NARS2: variants seen among roughly 807,000 people sequenced by gnomAD.
The protein encoded by NARS2 is asparaginyl-tRNA synthetase 2, mitochondrial.
NARS2 carries 60 observed loss-of-function variants against 62.9 expected under a neutral mutation model. The ratio of observed to expected loss-of-function variants is 0.95; its 90% confidence interval spans 0.77 to 1.18. NARS2 has a LOEUF of 1.18. Ranked by LOEUF, NARS2 falls within the 50% of genes most tolerant of loss-of-function variation. The probability of loss-of-function intolerance (pLI) is 0.00; values close to 1 mark genes in which losing one functional copy is unlikely to be tolerated. For synonymous variants in NARS2, 196 were observed against 200.0 expected, an observed-to-expected ratio of 0.98 and a Z score of 0.17; for missense variants, 619 against 576.4, an observed-to-expected ratio of 1.07 and a Z score of -0.76.
At chr11:78,566,353 T>C (rs1050816969) in intron 3 of NARS2, 81 bp from the exon 4 acceptor site, 7 of 1,206,872 alleles carry the variant, frequency 5.8e-6, no homozygotes, top group Non-Finnish European at 7.8e-6. Context: ...ATTTCTTAAA[T>C]AGCGCTTTGG....
At chr11:78,563,822 T>A (rs1856634069) in intron 4 of NARS2, among the ~76,000 whole-genome samples, 1 of 63,590 alleles carries the variant, frequency 1.6e-5, no homozygotes, top group Admixed American at 2.3e-4. Flanking sequence ...CAGAGTGAAC[T>A]CTGTATCAAA....
chr11:78,569,766 C>T (rs115782647), intron 2 of NARS2, among the ~76,000 whole-genome samples: 1,642 of 152,212 alleles, frequency 0.011, 32 homozygotes, highest in African/African-American at 0.039. Flanking sequence ...TAAGTATATC[C>T]TAAGGTTTCC....
At chr11:78,535,418 A>C (rs1453708591) in intron 5 of NARS2, among the ~76,000 whole-genome samples, 2 of 152,226 alleles carry the variant, frequency 1.3e-5, no homozygotes, top group Non-Finnish European at 2.9e-5. Context: ...ATTGAGATAA[A>C]ATCTCAAAAT....
intron 11 of NARS2, among the ~76,000 whole-genome samples, chr11:78,465,243 C>G (rs116198041): frequency 6.6e-6 from 1 of 152,242 alleles, no homozygotes; most frequent in Non-Finnish European, 1.5e-5. Flanking sequence ...CGCACTGGCC[C>G]GCAAGCACCG....
intron 7 of NARS2, 146 bp from the exon 8 acceptor site, chr11:78,478,829 G>A: frequency 2.1e-6 from 1 of 465,340 alleles, no homozygotes; most frequent in Non-Finnish European, 3.7e-6. Flanking sequence ...TGGAAAATTG[G>A]TTCAGTTTTC....
chr11:78,538,021 G>A (rs1484177138), intron 5 of NARS2, among the ~76,000 whole-genome samples: 2 of 152,152 alleles, frequency 1.3e-5, no homozygotes, highest in African/African-American at 4.8e-5. Flanking sequence ...GCACTGTGTT[G>A]AGTAGCATGA....
chr11:78,507,711 G>C (rs553760658), intron 6 of NARS2, among the ~76,000 whole-genome samples: 1 of 151,954 alleles, frequency 6.6e-6, no homozygotes, highest in African/African-American at 2.4e-5. Flanking sequence ...AATAGAGACA[G>C]GGTTTCACCA....
At chr11:78,452,703 C>G (rs997589522) in intron 11 of NARS2, among the ~76,000 whole-genome samples, 3 of 152,060 alleles carry the variant, frequency 2.0e-5, no homozygotes, top group African/African-American at 7.2e-5. Flanking sequence ...GTCACCATGC[C>G]CAGCTCTATG....
At chr11:78,530,715 C>G (rs1861446677) in intron 5 of NARS2, among the ~76,000 whole-genome samples, 1 of 152,180 alleles carries the variant, frequency 6.6e-6, no homozygotes, top group Non-Finnish European at 1.5e-5. Context: ...GATCTGCCGG[C>G]CTCAGCCTCC....
At chr11:78,527,413 C>G (rs1323745604) in intron 6 of NARS2, among the ~76,000 whole-genome samples, 2 of 152,142 alleles carry the variant, frequency 1.3e-5, no homozygotes, top group African/African-American at 4.8e-5. Context: ...TCCAGATCTG[C>G]AAATCCTATA....
At chr11:78,475,580 CTTTTTTTTTTTTTT>C (rs377023107) in intron 9 of NARS2, among the ~76,000 whole-genome samples, 16 of 93,982 alleles carry the variant, frequency 1.7e-4, no homozygotes, top group South Asian at 8.4e-4. Flanking sequence ...TATCATTTGA[CTTTTTTTTTTTTTT>C]TTTTTTTTTT....
chr11:78,438,847 G>T (rs1195512582), intron 13 of NARS2, among the ~76,000 whole-genome samples: 2 of 152,186 alleles, frequency 1.3e-5, no homozygotes, highest in Non-Finnish European at 2.9e-5. Flanking sequence ...ATATGAAGAT[G>T]TCTAAGGTCT....
intron 4 of NARS2, among the ~76,000 whole-genome samples, chr11:78,561,787 C>G (rs564130522): frequency 6.6e-6 from 1 of 152,278 alleles, no homozygotes; most frequent in South Asian, 2.1e-4. Context: ...AGGCCAGGAG[C>G]AGTGTCTCAC....
At chr11:78,564,990 C>G (rs1475718023) in intron 4 of NARS2, among the ~76,000 whole-genome samples, 1 of 152,146 alleles carries the variant, frequency 6.6e-6, no homozygotes, top group African/African-American at 2.4e-5. Context: ...ATTACACAAC[C>G]TCTGCAAATT....
intron 5 of NARS2, among the ~76,000 whole-genome samples, chr11:78,549,403 T>C (rs1363421687): frequency 6.6e-6 from 1 of 152,186 alleles, no homozygotes; most frequent in African/African-American, 2.4e-5. Context: ...TCCAAATCTT[T>C]ACCCAAAGGA....
At chr11:78,558,129 C>T (rs1484848616) in intron 5 of NARS2, 1 of 152,062 alleles carries the variant, frequency 6.6e-6, no homozygotes, top group Non-Finnish European at 1.5e-5. Flanking sequence ...AAAATAAACA[C>T]CTAGAAGAGA....
At position 78,535,586 on chromosome 11, in the gene NARS2, C is replaced by T. The variant is rs138642198; in HGVS notation, c.595-6650G>A. Among the ~76,000 whole-genome samples, 1,449 of 150,110 alleles carry T rather than the reference C, an allele frequency of 9.7e-3. 10 individuals are homozygous for T. Among genetic ancestry groups the T allele is most frequent in the South Asian group, 0.023 (112 of 4,770 alleles). On this transcript the variant is annotated intron_variant, in intron 5 of 13. Coordinates refer to ENST00000281038, the MANE Select transcript of NARS2 (RefSeq NM_024678.6). ...CCTTTATTTTTAATTATTTTGTTTG[C>T]TTTTAAGATACAGCAGAAATATAAC...
At chr11:78,533,463 T>C (rs1420416408) in intron 5 of NARS2, among the ~76,000 whole-genome samples, 1 of 152,258 alleles carries the variant, frequency 6.6e-6, no homozygotes, top group African/African-American at 2.4e-5. Flanking sequence ...AGTTTCTCTT[T>C]GAAAAGAGGA....
At chr11:78,545,975 T>C (rs147644087) in intron 5 of NARS2, among the ~76,000 whole-genome samples, 2,679 of 152,312 alleles carry the variant, frequency 0.018, 38 homozygotes, top group Non-Finnish European at 0.027. Context: ...GATTACCTAT[T>C]GGTGAGCAAC....
Sources: allele counts gnomAD v4.1 joint callset (sites outside exome capture counted in the v4.1 genomes callset), GRCh38; gene constraint gnomAD v4.1.1; transcripts MANE v1.5; gene names NCBI Gene and HGNC (gene_info 2026-07-23, HGNC 2026-07-21).